The following SLC27A1 variants were observed in gnomAD, a reference collection of about 807,000 sequenced individuals.
SLC27A1 encodes solute carrier family 27 member 1, also known as long-chain fatty acid transport protein 1.
A neutral mutation model predicts 62.2 loss-of-function variants in SLC27A1; 61 were observed. That is an observed-to-expected ratio of 0.98 (90% confidence interval 0.80 to 1.21). SLC27A1 has a LOEUF of 1.21. SLC27A1 is among the 50% of genes most tolerant of loss of function. The pLI is 0.00. For missense variants in SLC27A1, 903 were observed against 932.1 expected (o/e 0.97, Z 0.41); for synonymous variants, 435 against 408.6 (o/e 1.06, Z -0.78).
At position 17,501,324 on chromosome 19, in the gene SLC27A1, T is replaced by C; in HGVS notation, c.1688T>C (p.Leu563Pro). 1 of 1,614,038 alleles carries C rather than the reference T, an allele frequency of 6.2e-7. No homozygotes were observed. Among genetic ancestry groups the C allele is most frequent in the Non-Finnish European group, 8.5e-7 (1 of 1,180,000 alleles). The change falls in exon 11 of 12, where the codon CTG becomes CCG. Residue 563 changes from leucine to proline, a missense_variant. Coordinates refer to ENST00000252595, the MANE Select transcript of SLC27A1 (RefSeq NM_198580.3). ...MAAVADPHSL[L>P]DPNAIYQELQ... is the part of the protein sequence containing the mutation. Reference sequence around the variant, plus strand: ...GCCGTCGCAGACCCCCACAGCCTGCTGGACCCCAACGCGATATACCAGGAG... The same window carrying C: ...GCCGTCGCAGACCCCCACAGCCTGCCGGACCCCAACGCGATATACCAGGAG...
In SLC27A1 at chr19:17,470,700, G is replaced by A; in HGVS notation, c.160G>A (p.Asp54Asn). The change falls in exon 1 of 12, where the codon GAC (aspartate) becomes AAC (asparagine). Residue 54 changes from aspartate (D) to asparagine (N), a missense_variant. Transcript: ENST00000252595. The part of the protein sequence containing the change: ...LRIVCKTARR[D>N]LFGLSVLIRV... Reference sequence around the variant, plus strand: ...CATCGTCTGCAAGACCGCGAGGCGAGACCTCTTGTGAGTGTTGCCGGGATC... The same window carrying A: ...CATCGTCTGCAAGACCGCGAGGCGAAACCTCTTGTGAGTGTTGCCGGGATC... 6 of 1,582,050 alleles carry A rather than the reference G, an allele frequency of 3.8e-6. No individual in the cohort carries two copies. The highest frequency in any genetic ancestry group is 5.1e-6 in the Non-Finnish European group (6 of 1,170,322).
chr19:17,493,709 CCTT>C (rs2075319343), intron 6 of SLC27A1, among the ~76,000 whole-genome samples: 1 of 151,534 alleles, frequency 6.6e-6, no homozygotes, highest in Admixed American at 6.6e-5. Flanking sequence ...ACTGCAACCT[CCTT>C]CTCCTGGGTT....
intron 11 of SLC27A1, among the ~76,000 whole-genome samples, chr19:17,503,776 TTA>T (rs1447094716): frequency 6.6e-6 from 1 of 151,346 alleles, no homozygotes; most frequent in Non-Finnish European, 1.5e-5. Flanking sequence ...TACCAAAATT[TTA>T]AAAATTAGCC....
Position 17,486,755 on chromosome 19 carries a change from C to T in SLC27A1, c.360C>T (p.Phe120=), listed in dbSNP as rs1317630101. 1 of 1,609,096 alleles carries T rather than the reference C, an allele frequency of 6.2e-7. No individual in the cohort carries two copies. ...ACTCCAATGCGGTAGCCAACCTCTT[C>T]CGCCAGCTGGGCTTCGCGCCGGGCG... ...DAYSNAVANL[F]RQLGFAPGDV... Residue 120 remains phenylalanine, a synonymous_variant, in exon 2 of 12, where the codon TTC becomes TTT. Transcript: ENST00000252595. This position sits in a 1 kb window ranked among gnomAD's most constrained non-coding sequence, Gnocchi z 6.6.
At chr19:17,481,846 G>C (rs2075181607) in intron 1 of SLC27A1, among the ~76,000 whole-genome samples, 2 of 152,122 alleles carry the variant, frequency 1.3e-5, no homozygotes, top group Non-Finnish European at 2.9e-5. Flanking sequence ...CTTAAGGAGG[G>C]AACTCTCCAG....
chr19:17,493,392 C>T (rs2075315138), intron 6 of SLC27A1, among the ~76,000 whole-genome samples: 1 of 127,162 alleles, frequency 7.9e-6, no homozygotes, highest in Admixed American at 9.4e-5. Flanking sequence ...CGCGCCACTG[C>T]ACTCCAGACT....
intron 1 of SLC27A1, among the ~76,000 whole-genome samples, chr19:17,476,498 A>G (rs2075123392): frequency 6.8e-6 from 1 of 147,938 alleles, no homozygotes; most frequent in Non-Finnish European, 1.5e-5. Context: ...AGGTGGCACC[A>G]CTGCACTCCA....
intron 1 of SLC27A1, among the ~76,000 whole-genome samples, chr19:17,484,644 A>C (rs1017567877): frequency 1.3e-5 from 2 of 150,686 alleles, no homozygotes; most frequent in Non-Finnish European, 3.0e-5. Flanking sequence ...GGAAAGAGTG[A>C]GTGAAGTAGG....
intron 11 of SLC27A1, among the ~76,000 whole-genome samples, chr19:17,502,742 GT>G (rs1300904254): frequency 6.6e-6 from 1 of 150,998 alleles, no homozygotes; most frequent in Non-Finnish European, 1.5e-5. Context: ...CTGGCATGCA[GT>G]GGCACTATCA....
chr19:17,478,730 G>A (rs887907957), intron 1 of SLC27A1, among the ~76,000 whole-genome samples: 2 of 151,902 alleles, frequency 1.3e-5, no homozygotes, highest in African/African-American at 2.4e-5. Flanking sequence ...GGTGGTGTAC[G>A]CCTGTAGTCC....
At chr19:17,473,212 G>T (rs111382030) in intron 1 of SLC27A1, among the ~76,000 whole-genome samples, 4 of 152,150 alleles carry the variant, frequency 2.6e-5, no homozygotes, top group African/African-American at 9.6e-5. Context: ...GGATTACCGC[G>T]CCCAGCGTGA....
intron 1 of SLC27A1, among the ~76,000 whole-genome samples, chr19:17,473,225 T>C (rs1329171606): frequency 6.6e-6 from 1 of 152,130 alleles, no homozygotes; most frequent in African/African-American, 2.4e-5. Context: ...CAGCGTGAAC[T>C]GCTTTGAACC....
In SLC27A1 at chr19:17,493,647, C is replaced by T. The variant is rs531132213; in HGVS notation, c.997-3608C>T. ...ACCTTACTTTTTTTTTTTTTTGAGA[C>T]ACAGTCTCGCTGCATCTCCCAGGCT... is the stretch of plus-strand genomic sequence containing the variant. On this transcript the variant is annotated intron_variant, in intron 6 of 11. Transcript: ENST00000252595. Among the ~76,000 whole-genome samples, 4 of 149,636 alleles carry T rather than the reference C, an allele frequency of 2.7e-5. No homozygotes were observed. In the South Asian group the frequency reaches 8.4e-4, roughly 31 times the overall value.
At chr19:17,502,191 G>T (rs1294594086) in intron 11 of SLC27A1, among the ~76,000 whole-genome samples, 2 of 152,024 alleles carry the variant, frequency 1.3e-5, no homozygotes, top group African/African-American at 4.8e-5. Flanking sequence ...ACTCATCCTA[G>T]TTCAGGACAG....
At chr19:17,482,675 G>C (rs1423745864) in intron 1 of SLC27A1, among the ~76,000 whole-genome samples, 1 of 149,524 alleles carries the variant, frequency 6.7e-6, no homozygotes, top group East Asian at 2.0e-4. Context: ...AAAAAAAAAA[G>C]GGTGGGGAGA....
chr19:17,500,171 G>A, intron 7 of SLC27A1, 107 bp from the exon 8 acceptor site: 1 of 1,502,276 alleles, frequency 6.7e-7, no homozygotes, highest in Non-Finnish European at 9.0e-7. Context: ...AGCTTAGAAT[G>A]ACACTGGAGG....
chr19:17,488,716 C>T, intron 4 of SLC27A1, 132 bp from the exon 5 acceptor site: 1 of 721,350 alleles, frequency 1.4e-6, no homozygotes, highest in Admixed American at 2.3e-5. Context: ...GTGTTTCCTT[C>T]CTGCCAGCCT....
intron 6 of SLC27A1, 131 bp from the exon 7 acceptor site, chr19:17,497,124 C>T: frequency 3.1e-6 from 2 of 636,286 alleles, no homozygotes; most frequent in African/African-American, 2.0e-5. Flanking sequence ...ATTCTGCAGC[C>T]ATCATCATCC....
At chr19:17,482,718 A>G (rs2075191548) in intron 1 of SLC27A1, among the ~76,000 whole-genome samples, 1 of 150,094 alleles carries the variant, frequency 6.7e-6, no homozygotes, top group Non-Finnish European at 1.5e-5. Flanking sequence ...GTATCACCAC[A>G]GGGTCTTGGC....
Sources: allele counts gnomAD v4.1 joint callset (sites outside exome capture counted in the v4.1 genomes callset), GRCh38; gene constraint gnomAD v4.1.1; non-coding constraint Gnocchi (gnomAD v3.1); transcripts MANE v1.5; gene names NCBI Gene and HGNC (gene_info 2026-07-23, HGNC 2026-07-21).